MCOLN2: variants seen among roughly 807,000 people sequenced by gnomAD.
MCOLN2 encodes the protein mucolipin-2.
In MCOLN2, 57 loss-of-function variants were observed where a neutral mutation model predicts 67.5. The observed-to-expected ratio is 0.84, with a 90% CI of 0.68 to 1.05. The LOEUF is 1.05. Among genes scored for constraint, MCOLN2 ranks in the 50% least tolerant of loss-of-function variants. The pLI is 0.00. For missense variants in MCOLN2, 620 were observed against 678.8 expected (o/e 0.91, Z 0.96); for synonymous variants, 246 against 233.3 (o/e 1.05, Z -0.50).
chr1:84,947,030 T>C lies in MCOLN2; in HGVS notation c.847+3A>G. 1.4e-6 allele frequency: 2 copies of C among 1,396,012 alleles called. No homozygotes were observed. The highest frequency in any genetic ancestry group is 2.0e-6 in the Non-Finnish European group (2 of 982,380). 86.5% of individuals were successfully genotyped at this position (1,396,012 alleles called of 1,614,324 possible). On this transcript the variant is annotated splice_donor_region_variant and intron_variant, in intron 7 of 13. Coordinates refer to ENST00000370608, the MANE Select transcript of MCOLN2 (RefSeq NM_153259.4). ...CCCATGGGCAAGTATATAGCATACT[T>C]ACTAGATCCAAATATGTTCAAGTCT...
At chr1:84,981,745 A>T (rs905590375) in intron 1 of MCOLN2, among the ~76,000 whole-genome samples, 1 of 152,334 alleles carries the variant, frequency 6.6e-6, no homozygotes, top group South Asian at 2.1e-4. Context: ...AAGACCTAGT[A>T]TTTGATAGCA....
chr1:84,928,468 T>A (rs1661259073), intron 13 of MCOLN2, among the ~76,000 whole-genome samples: 1 of 152,198 alleles, frequency 6.6e-6, no homozygotes, highest in Non-Finnish European at 1.5e-5. Flanking sequence ...CAGGACTTTG[T>A]GTGGCACAAA....
chr1:84,944,479 G>GC (rs200667954), intron 7 of MCOLN2, among the ~76,000 whole-genome samples: 6,418 of 152,010 alleles, frequency 0.042, 474 homozygotes, highest in African/African-American at 0.15. Flanking sequence ...GTTGCAGTGA[G>GC]CAAGATCGTG....
At chr1:84,983,819 G>A (rs1342595960) in intron 1 of MCOLN2, among the ~76,000 whole-genome samples, 2 of 151,482 alleles carry the variant, frequency 1.3e-5, no homozygotes, top group African/African-American at 2.4e-5. Context: ...TGGGATTACA[G>A]GCGCACGCCT....
chr1:84,943,564 C>T (rs1647915412), intron 7 of MCOLN2, among the ~76,000 whole-genome samples: 1 of 151,822 alleles, frequency 6.6e-6, no homozygotes, highest in African/African-American at 2.4e-5. Flanking sequence ...TCTGCAGAGA[C>T]AGCATTGAAG....
At chr1:84,966,508 T>A (rs1649389653) in intron 1 of MCOLN2, among the ~76,000 whole-genome samples, 1 of 152,164 alleles carries the variant, frequency 6.6e-6, no homozygotes, top group Admixed American at 6.5e-5. Flanking sequence ...AAAATTAGTA[T>A]AAACAAACGG....
At chr1:84,938,296 A>T (rs980327458) in intron 9 of MCOLN2, among the ~76,000 whole-genome samples, 1 of 152,198 alleles carries the variant, frequency 6.6e-6, no homozygotes. Flanking sequence ...TGGTTGAACT[A>T]AATTTTTTTC....
intron 1 of MCOLN2, among the ~76,000 whole-genome samples, chr1:84,970,435 T>C (rs652272): frequency 0.37 from 55,622 of 150,192 alleles, 10,805 homozygotes; most frequent in African/African-American, 0.49. Flanking sequence ...TTTGGGAGGG[T>C]GAGGTGGGTG....
chr1:84,939,505 C>A (rs753941440), intron 9 of MCOLN2, 48 bp downstream of exon 9: 8 of 1,589,318 alleles, frequency 5.0e-6, no homozygotes, highest in African/African-American at 1.4e-5. Flanking sequence ...TGCCTGTGGC[C>A]ATCCAGGAGA....
intron 1 of MCOLN2, among the ~76,000 whole-genome samples, chr1:84,980,700 C>T (rs965517442): frequency 3.9e-5 from 6 of 152,050 alleles, no homozygotes; most frequent in African/African-American, 1.2e-4. Context: ...GACTTTAAGA[C>T]CTCAAACTAT....
chr1:84,929,783 T>C (rs184168335), intron 12 of MCOLN2, 104 bp from the exon 13 acceptor site: 10 of 1,124,136 alleles, frequency 8.9e-6, no homozygotes, highest in South Asian at 7.8e-5. Flanking sequence ...CTCTCCCACA[T>C]TGCTAGCTCA....
intron 1 of MCOLN2, among the ~76,000 whole-genome samples, chr1:84,982,831 T>C (rs1650326291): frequency 6.6e-6 from 1 of 152,066 alleles, no homozygotes; most frequent in Non-Finnish European, 1.5e-5. Context: ...GCCTCCAGAG[T>C]AGCTGGGACT....
intron 12 of MCOLN2, among the ~76,000 whole-genome samples, chr1:84,930,246 G>A (rs567350166): frequency 6.6e-6 from 1 of 151,076 alleles, no homozygotes. Flanking sequence ...CTGGGAAACA[G>A]AGCAAGACCC....
At chr1:84,969,775 T>C (rs1286164499) in intron 1 of MCOLN2, among the ~76,000 whole-genome samples, 1 of 152,132 alleles carries the variant, frequency 6.6e-6, no homozygotes, top group Non-Finnish European at 1.5e-5. Flanking sequence ...TGCACATGCT[T>C]AGTGTCCAGT....
At chr1:84,963,212 C>T (rs1649184465) in intron 2 of MCOLN2, among the ~76,000 whole-genome samples, 1 of 152,148 alleles carries the variant, frequency 6.6e-6, no homozygotes, top group Non-Finnish European at 1.5e-5. Context: ...CACAGGATTG[C>T]AATGAGGATG....
In MCOLN2 at chr1:84,966,545, T is replaced by C. The variant is rs374861284; in HGVS notation, c.78-837A>G. Among the ~76,000 whole-genome samples the C allele has an allele frequency of 4.7e-4, 72 of 152,318 alleles. 1 individual carries two copies. The highest frequency in any genetic ancestry group is 1.7e-3 in the African/African-American group (72 of 41,584). On this transcript the variant is annotated intron_variant, in intron 1 of 13. Coordinates refer to ENST00000370608, the MANE Select transcript of MCOLN2 (RefSeq NM_153259.4). ...ATTAGATTGTTATGGAAGAAGAGAA[T>C]CTTTGTTCTGTAACTCTGTACTGAG...
intron 11 of MCOLN2, among the ~76,000 whole-genome samples, chr1:84,934,605 C>G (rs1248018496): frequency 6.6e-6 from 1 of 152,194 alleles, no homozygotes; most frequent in African/African-American, 2.4e-5. Flanking sequence ...CCCATGGCAT[C>G]AGTGAAGTCC....
chr1:84,971,138 GAA>G (rs1649661727), intron 1 of MCOLN2, among the ~76,000 whole-genome samples: 1 of 152,040 alleles, frequency 6.6e-6, no homozygotes, highest in South Asian at 2.1e-4. Flanking sequence ...GATGAAAAAT[GAA>G]AAAACTAGCA....
chr1:84,978,143 T>A (rs373316055), intron 1 of MCOLN2, among the ~76,000 whole-genome samples: 18 of 152,068 alleles, frequency 1.2e-4, no homozygotes, highest in African/African-American at 3.6e-4. Context: ...GACCAGTGGG[T>A]CAAGAAAGAA....
Sources: gnomAD v4.1 joint callset for allele counts (sites outside exome capture counted in the v4.1 genomes callset) on GRCh38, gnomAD v4.1.1 for gene constraint, MANE v1.5 for transcripts, NCBI Gene and HGNC (gene_info 2026-07-23, HGNC 2026-07-21) for gene names.